The following INSR variants were observed in gnomAD, a reference collection of about 807,000 sequenced individuals.
INSR encodes the protein insulin receptor.
In INSR, 67 loss-of-function variants were observed where a neutral mutation model predicts 142.6. The observed-to-expected ratio is 0.47, with a 90% confidence interval of 0.39 to 0.58. INSR has a LOEUF of 0.58. Among genes scored for constraint, INSR ranks in the 20% least tolerant of loss-of-function variants. The probability of loss-of-function intolerance (pLI) is 0.00; values close to 1 mark genes in which losing one functional copy is unlikely to be tolerated. For synonymous variants in INSR, 756 were observed against 743.1 expected, an observed-to-expected ratio of 1.02 and a Z score of -0.28; for missense variants, 1,248 against 1,833.2, an observed-to-expected ratio of 0.68 and a Z score of 5.83.
At position 7,148,477 on chromosome 19, in the gene INSR, C is replaced by CTTTTTTT. The variant is rs71177160; in HGVS notation, c.2267+2013_2267+2019dup. On this transcript the variant is annotated intron_variant, in intron 11 of 21. Transcript: ENST00000302850. ...TTATTATTAGTATTATGTATTTATT[C>CTTTTTTT]TTTTTTTTTTTTTTTTTTGAGACAG... 1.7e-3 allele frequency among the ~76,000 whole-genome samples: 163 copies of CTTTTTTT among 95,032 alleles called. 17 individuals are homozygous for CTTTTTTT. Among genetic ancestry groups the CTTTTTTT allele is most frequent in the African/African-American group, 3.7e-3 (81 of 22,098 alleles). 62.3% of individuals were successfully genotyped at this position (95,032 alleles called of 152,430 possible). A position where few individuals can be genotyped will look rare whatever the true frequency, so the allele number is the denominator to read the frequency against.
chr19:7,173,589 C>T (rs2144958215), intron 4 of INSR, among the ~76,000 whole-genome samples: 1 of 139,760 alleles, frequency 7.2e-6, no homozygotes, highest in East Asian at 2.2e-4. Flanking sequence ...GCTGGGATTA[C>T]AGGCATGAGC....
At chr19:7,251,016 C>T (rs558590338) in intron 2 of INSR, among the ~76,000 whole-genome samples, 2 of 152,140 alleles carry the variant, frequency 1.3e-5, no homozygotes, top group Non-Finnish European at 2.9e-5. Flanking sequence ...GCTTTCTGCC[C>T]CTCAGCACTA....
At chr19:7,207,516 G>A (rs1440633723) in intron 2 of INSR, among the ~76,000 whole-genome samples, 1 of 152,058 alleles carries the variant, frequency 6.6e-6, no homozygotes, top group Non-Finnish European at 1.5e-5. Flanking sequence ...ACACTAAGAG[G>A]AGGCTGGGGA....
chr19:7,218,141 G>T (rs930990227), intron 2 of INSR, among the ~76,000 whole-genome samples: 4 of 152,072 alleles, frequency 2.6e-5, no homozygotes, highest in Non-Finnish European at 4.4e-5. Context: ...AAAACACAGG[G>T]GGAAGGGGAG....
At chr19:7,126,719 C>G in intron 15 of INSR, 68 bp from the exon 16 acceptor site, 1 of 1,380,132 alleles carries the variant, frequency 7.2e-7, no homozygotes, top group Non-Finnish European at 1.0e-6. Context: ...GTGTTTCATA[C>G]AAGACTCCCC....
In INSR at chr19:7,116,158, G is replaced by C. The variant is rs1280753645; in HGVS notation, c.*898C>G. 2 of 128,762 alleles carry C rather than the reference G, an allele frequency of 1.6e-5. No individual in the cohort carries two copies. Among genetic ancestry groups the C allele is most frequent in the African/African-American group, 6.0e-5 (2 of 33,444 alleles). 8.0% of individuals were successfully genotyped at this position (128,762 alleles called of 1,614,324 possible). On this transcript the variant is annotated 3_prime_UTR_variant, in exon 22 of 22. Coordinates refer to ENST00000302850, the MANE Select transcript of INSR (RefSeq NM_000208.4). ...TTTTTTAATGTCCTAGCTTGGTTTGGTCTTGAAAAGATTCATAATCACTCC... is the reference window on the plus strand; with the variant it reads ...TTTTTTAATGTCCTAGCTTGGTTTGCTCTTGAAAAGATTCATAATCACTCC...
chr19:7,124,459 A>G (rs929003102), intron 17 of INSR, among the ~76,000 whole-genome samples: 1 of 139,214 alleles, frequency 7.2e-6, no homozygotes, highest in Non-Finnish European at 1.5e-5. Context: ...GAATAGTGTG[A>G]ATCCAGGAGG....
intron 9 of INSR, among the ~76,000 whole-genome samples, chr19:7,161,921 G>A (rs1387556866): frequency 1.3e-5 from 2 of 152,134 alleles, no homozygotes; most frequent in East Asian, 1.9e-4. Context: ...AGTGGCTCAC[G>A]CCTGTAATCC....
At chr19:7,132,414 G>A (rs1972808927) in intron 13 of INSR, 97 bp from the exon 14 acceptor site, 1 of 1,384,820 alleles carries the variant, frequency 7.2e-7, no homozygotes, top group African/African-American at 1.4e-5. Context: ...ATCCTGCTCA[G>A]AAATGACGCC....
intron 2 of INSR, among the ~76,000 whole-genome samples, chr19:7,196,169 A>T (rs1157023394): frequency 6.6e-6 from 1 of 152,072 alleles, no homozygotes; most frequent in African/African-American, 2.4e-5. Context: ...TCCTGACCTC[A>T]GGTGATCCGC....
At position 7,186,999 on chromosome 19, in the gene INSR, G is replaced by A. The variant is rs564291682; in HGVS notation, c.653-2362C>T. ...ATTACAGGTGTGAGCCACTGCGCCC[G>A]ACATCCCATTTTACTTTCTGTCTCT... is the stretch of plus-strand genomic sequence containing the variant. On this transcript the variant is annotated intron_variant, in intron 2 of 21. Coordinates refer to ENST00000302850, the MANE Select transcript of INSR (RefSeq NM_000208.4). Among the ~76,000 whole-genome samples the A allele has an allele frequency of 6.0e-5, 9 of 150,122 alleles. No homozygotes were observed. The South Asian group carries it at 1.1e-3, about 18-fold the overall frequency.
In INSR at chr19:7,119,090, G is replaced by T. The variant is rs1379779958; in HGVS notation, c.3794+359C>A. ...TTGTGAACACAAGCAGGCAGGTAAA[G>T]ACATAATATGTAAACATGTGTGCTT... On this transcript the variant is annotated intron_variant, in intron 21 of 21. Coordinates refer to ENST00000302850, the MANE Select transcript of INSR (RefSeq NM_000208.4). This position sits in a 1 kb window ranked among gnomAD's most constrained non-coding sequence, Gnocchi z 5.2. Among the ~76,000 whole-genome samples, 1 of 152,118 alleles carries T rather than the reference G, an allele frequency of 6.6e-6. No homozygotes were observed. Among genetic ancestry groups the T allele is most frequent in the African/African-American group, 2.4e-5 (1 of 41,426 alleles).
rs1555753426 is a variant in INSR, at chr19:7,213,356, A to AAC, written c.653-28720_653-28719insGT. On this transcript the variant is annotated intron_variant, in intron 2 of 21. Coordinates refer to ENST00000302850, the MANE Select transcript of INSR (RefSeq NM_000208.4). ...GACTCCATCTCAAAAAAAAAAAAAA[A>AAC]AAACAAACAAAAAACCCTACAGGGC... Among the ~76,000 whole-genome samples, 666 of 140,422 alleles carry AAC rather than the reference A, an allele frequency of 4.7e-3. 6 individuals carry two copies. The highest frequency in any genetic ancestry group is 0.038 in the Middle Eastern group (11 of 286). The allele number at this position is 140,422 out of a possible 152,430, so 92.1% of individuals were successfully genotyped here. A position where few individuals can be genotyped will look rare whatever the true frequency, so the allele number is the denominator to read the frequency against.
At chr19:7,230,740 G>A (rs1026938682) in intron 2 of INSR, among the ~76,000 whole-genome samples, 7 of 151,284 alleles carry the variant, frequency 4.6e-5, no homozygotes, top group East Asian at 1.9e-4. Flanking sequence ...TCCGAGAGGC[G>A]GAGATTGCAG....
intron 10 of INSR, among the ~76,000 whole-genome samples, chr19:7,151,200 CT>C (rs1304951418): frequency 9.8e-6 from 1 of 101,550 alleles, no homozygotes; most frequent in Admixed American, 1.3e-4. Context: ...TTCTTTCTTT[CT>C]TTCTTTCTTT....
chr19:7,164,220 C>T (rs984973954), intron 8 of INSR, among the ~76,000 whole-genome samples: 4 of 151,500 alleles, frequency 2.6e-5, no homozygotes, highest in African/African-American at 9.7e-5. Flanking sequence ...CTGTGTGTTG[C>T]AGGACATGGA....
At chr19:7,219,481 G>GAGGT (rs1161511262) in intron 2 of INSR, among the ~76,000 whole-genome samples, 1 of 140,484 alleles carries the variant, frequency 7.1e-6, no homozygotes, top group African/African-American at 2.6e-5. Context: ...AAAAGGGAGG[G>GAGGT]AGGGAAGGAA....
At chr19:7,124,391 C>T (rs1310498874) in intron 17 of INSR, among the ~76,000 whole-genome samples, 2 of 125,376 alleles carry the variant, frequency 1.6e-5, no homozygotes, top group African/African-American at 3.0e-5. Context: ...AAAAAACAAT[C>T]AGCCAGGCGT....
rs59460120 is a variant in INSR, at chr19:7,197,321, A to AGAGTGAGT, written c.653-12692_653-12685dup. Among the ~76,000 whole-genome samples, 76 of 151,438 alleles carry AGAGTGAGT rather than the reference A, an allele frequency of 5.0e-4. No individual in the cohort carries two copies. The South Asian group carries it at 6.9e-3, about 14-fold the overall frequency. On this transcript the variant is annotated intron_variant, in intron 2 of 21. Transcript: ENST00000302850. The stretch of plus-strand genomic sequence containing the variant: ...CCGCAGGCTTCTTCTCTTCGGAGAG[A>AGAGTGAGT]GAGTGAGTGAGTGAGTAAGCGAGTG...
Sources: allele counts gnomAD v4.1 joint callset (sites outside exome capture counted in the v4.1 genomes callset), GRCh38; gene constraint gnomAD v4.1.1; non-coding constraint Gnocchi (gnomAD v3.1); transcripts MANE v1.5; gene names NCBI Gene and HGNC (gene_info 2026-07-23, HGNC 2026-07-21).